EDIL3: variants seen among roughly 807,000 people sequenced by gnomAD.
The protein encoded by EDIL3 is EGF like and discoidin domains 3.
Under a neutral mutation model 67.4 loss-of-function variants are expected in EDIL3, and 37 were observed. That is an observed-to-expected ratio of 0.55 (90% CI 0.42 to 0.72). The LOEUF (loss-of-function observed/expected upper bound fraction) is 0.72. Ranked by LOEUF, EDIL3 falls within the 30% of genes least tolerant of loss-of-function variation. EDIL3 has a pLI of 0.00. For missense variants in EDIL3, 527 were observed against 586.3 expected (o/e 0.90, Z 1.04); for synonymous variants, 195 against 196.3 (o/e 0.99, Z 0.05).
chr5:84,081,185 C>G (rs1296022090), intron 6 of EDIL3, among the ~76,000 whole-genome samples: 1 of 152,146 alleles, frequency 6.6e-6, no homozygotes, highest in Non-Finnish European at 1.5e-5. Flanking sequence ...TGAATTTCCA[C>G]CTGTTTCTGA....
chr5:84,066,760 A>G (rs1746649848), intron 6 of EDIL3, among the ~76,000 whole-genome samples, 154 bp from the exon 7 acceptor site: 1 of 152,248 alleles, frequency 6.6e-6, no homozygotes, highest in South Asian at 2.1e-4. Context: ...ATAGGCATAT[A>G]TTAAATTTAG....
intron 1 of EDIL3, among the ~76,000 whole-genome samples, chr5:84,349,420 T>C (rs1747310913): frequency 6.6e-6 from 1 of 152,192 alleles, no homozygotes; most frequent in African/African-American, 2.4e-5. Flanking sequence ...AATCTAACAG[T>C]AGTAATCCAC....
At chr5:84,252,970 T>C (rs1488130630) in intron 2 of EDIL3, among the ~76,000 whole-genome samples, 2 of 152,146 alleles carry the variant, frequency 1.3e-5, no homozygotes, top group African/African-American at 4.8e-5. Flanking sequence ...ATATTCATAA[T>C]GCAATATAAA....
chr5:83,983,741 T>G (rs1322926166), intron 9 of EDIL3, among the ~76,000 whole-genome samples: 1 of 140,262 alleles, frequency 7.1e-6, no homozygotes, highest in Non-Finnish European at 1.5e-5. Context: ...ACAGGGACTT[T>G]CTTTTTTTTT....
intron 9 of EDIL3, among the ~76,000 whole-genome samples, chr5:84,039,798 C>G (rs2112212149): frequency 6.6e-6 from 1 of 151,846 alleles, no homozygotes; most frequent in South Asian, 2.1e-4. Context: ...CACATGTACC[C>G]TAAAACTTAA....
rs907499912 is a variant in EDIL3 at position 84,120,055 on chromosome 5, TA to T, written c.470-13226del. On this transcript the variant is annotated intron_variant, in intron 5 of 10. Transcript: ENST00000296591. ...TTTCATAATCTGTTTTTGAGATTTT[TA>T]AAAAAAACTATGCATAACTATTGAT... is the stretch of plus-strand genomic sequence containing the variant. Among the ~76,000 whole-genome samples the T allele has an allele frequency of 1.5e-4, 23 of 152,142 alleles. No homozygotes were observed. In the South Asian group the frequency reaches 1.9e-3, roughly 12 times the overall value.
chr5:84,047,882 T>C (rs1007468624), intron 9 of EDIL3: 1 of 152,542 alleles, frequency 6.6e-6, no homozygotes, highest in African/African-American at 2.4e-5. Flanking sequence ...TTTGTTTTGT[T>C]TATAAAAAGT....
At chr5:84,226,475 T>C (rs1001517922) in intron 3 of EDIL3, among the ~76,000 whole-genome samples, 4 of 151,754 alleles carry the variant, frequency 2.6e-5, no homozygotes, top group Non-Finnish European at 5.9e-5. Context: ...TAAAATGAAC[T>C]CAAAAATCTC....
In EDIL3 at chr5:83,953,626, G is replaced by A. The variant is rs144924441; in HGVS notation, c.1293+9579C>T. On this transcript the variant is annotated intron_variant, in intron 10 of 10. Transcript: ENST00000296591. ...TGTTGTTTCTAACTTTACTGGAAATGAGGAAATTAGTTCTTGTGTTCAGTT... is the reference window on the plus strand; with the variant it reads ...TGTTGTTTCTAACTTTACTGGAAATAAGGAAATTAGTTCTTGTGTTCAGTT... Among the ~76,000 whole-genome samples, 341 of 151,854 alleles carry A rather than the reference G, an allele frequency of 2.2e-3. 1 individual carries two copies. Among genetic ancestry groups the A allele is most frequent in the Non-Finnish European group, 4.0e-3 (270 of 67,814 alleles).
intron 9 of EDIL3, among the ~76,000 whole-genome samples, chr5:84,008,843 C>T (rs759823585): frequency 7.9e-5 from 12 of 152,086 alleles, no homozygotes; most frequent in African/African-American, 1.7e-4. Flanking sequence ...AACAGGGTCT[C>T]GCTCTGTCAC....
chr5:84,175,741 C>A (rs1748891072), intron 4 of EDIL3, among the ~76,000 whole-genome samples: 1 of 152,114 alleles, frequency 6.6e-6, no homozygotes, highest in Non-Finnish European at 1.5e-5. Context: ...ATGGTTCCTC[C>A]AGTATCATTT....
chr5:84,029,331 T>A lies in EDIL3; in HGVS notation c.1137+30969A>T, dbSNP rs1745875688. ...AGTTCTCTCTCTTTGCCTGCTGCCA[T>A]CCATGTAAAACATGACTTGCTCCTC... On this transcript the variant is annotated intron_variant, in intron 9 of 10. Coordinates refer to ENST00000296591, the MANE Select transcript of EDIL3 (RefSeq NM_005711.5). Among the ~76,000 whole-genome samples the A allele has an allele frequency of 2.0e-5, 3 of 152,156 alleles. No individual in the cohort carries two copies. The South Asian group carries it at 6.2e-4, about 32-fold the overall frequency.
At chr5:84,339,490 C>G (rs1175745265) in intron 1 of EDIL3, among the ~76,000 whole-genome samples, 1 of 152,250 alleles carries the variant, frequency 6.6e-6, no homozygotes, top group Non-Finnish European at 1.5e-5. Context: ...GGCTGTTCTC[C>G]CACTGCCTAT....
chr5:84,238,715 T>G (rs1744731467), intron 2 of EDIL3, among the ~76,000 whole-genome samples: 1 of 119,130 alleles, frequency 8.4e-6, no homozygotes, highest in Non-Finnish European at 1.6e-5. Flanking sequence ...GAAAGGAAAA[T>G]AGTGTATCCA....
intron 9 of EDIL3, chr5:84,047,611 G>T (rs922110815): frequency 6.6e-6 from 1 of 151,906 alleles, no homozygotes; most frequent in East Asian, 1.9e-4. Context: ...CTTTGGATTC[G>T]TCCAGTCATG....
At chr5:84,189,504 T>A (rs1743535780) in intron 3 of EDIL3, among the ~76,000 whole-genome samples, 1 of 151,980 alleles carries the variant, frequency 6.6e-6, no homozygotes, top group South Asian at 2.1e-4. Context: ...TAAATATTAA[T>A]ATGACTTTAA....
intron 9 of EDIL3, among the ~76,000 whole-genome samples, chr5:84,034,644 G>C (rs188324324): frequency 2.0e-5 from 3 of 152,068 alleles, no homozygotes; most frequent in Non-Finnish European, 4.4e-5. Flanking sequence ...CTAGCAGTAT[G>C]GTTACACCTT....
intron 6 of EDIL3, among the ~76,000 whole-genome samples, chr5:84,077,012 T>C (rs1179598347): frequency 6.6e-6 from 1 of 152,224 alleles, no homozygotes; most frequent in African/African-American, 2.4e-5. Flanking sequence ...TTAAAAAGGA[T>C]TGACATTTAA....
chr5:84,260,491 G>A (rs1745206767), intron 1 of EDIL3, among the ~76,000 whole-genome samples: 1 of 152,120 alleles, frequency 6.6e-6, no homozygotes, highest in Non-Finnish European at 1.5e-5. Flanking sequence ...GATCCTCTGT[G>A]TTCCTGGTAA....
Sources: gnomAD v4.1 joint callset for allele counts (sites outside exome capture counted in the v4.1 genomes callset) on GRCh38, gnomAD v4.1.1 for gene constraint, MANE v1.5 for transcripts, NCBI Gene and HGNC (gene_info 2026-07-23, HGNC 2026-07-21) for gene names.